KDM4C: variants seen among roughly 807,000 people sequenced by gnomAD.
KDM4C encodes the protein lysine demethylase 4C, also known as lysine-specific demethylase 4C.
A neutral mutation model predicts 129.3 loss-of-function variants in KDM4C; 81 were observed. The ratio of observed to expected loss-of-function variants is 0.63; its 90% CI spans 0.52 to 0.75. The LOEUF (loss-of-function observed/expected upper bound fraction) is 0.75, where lower values mean the gene tolerates loss of function less well. Among genes scored for constraint, KDM4C ranks in the 30% least tolerant of loss-of-function variants. The pLI, the probability that KDM4C is intolerant of heterozygous loss-of-function variation, is 0.00. For missense variants in KDM4C, 1,457 were observed against 1,304.0 expected (o/e 1.12, Z -1.81); for synonymous variants, 573 against 456.1 (o/e 1.26, Z -3.26).
chr9:6,919,941 C>G (rs1049718368), intron 8 of KDM4C, among the ~76,000 whole-genome samples: 4 of 152,144 alleles, frequency 2.6e-5, no homozygotes, highest in Non-Finnish European at 1.5e-5. Flanking sequence ...ATCAGAACTG[C>G]TTTTGTCAAA....
At chr9:6,760,635 A>G (rs1011555350) in intron 1 of KDM4C, among the ~76,000 whole-genome samples, 5 of 151,706 alleles carry the variant, frequency 3.3e-5, no homozygotes, top group Non-Finnish European at 7.4e-5. Context: ...CAGTGGCACG[A>G]TCTCTGCTCA....
chr9:6,783,523 A>G (rs1824821289), intron 1 of KDM4C, among the ~76,000 whole-genome samples: 1 of 152,134 alleles, frequency 6.6e-6, no homozygotes, highest in Non-Finnish European at 1.5e-5. Flanking sequence ...GCCAGCATGG[A>G]TGAAATCTCC....
At chr9:6,996,086 A>G (rs1033445803) in intron 12 of KDM4C, among the ~76,000 whole-genome samples, 6 of 152,234 alleles carry the variant, frequency 3.9e-5, no homozygotes, top group Non-Finnish European at 7.3e-5. Context: ...AATAGTGTAC[A>G]TTGTACCCAT....
At chr9:6,808,666 T>C (rs1394572001) in intron 3 of KDM4C, among the ~76,000 whole-genome samples, 2 of 131,582 alleles carry the variant, frequency 1.5e-5, no homozygotes, top group Admixed American at 8.3e-5. Flanking sequence ...TCCCCCTCTG[T>C]GAGAAACACC....
intron 4 of KDM4C, among the ~76,000 whole-genome samples, chr9:6,848,383 T>C (rs1433015859): frequency 6.6e-6 from 1 of 152,070 alleles, no homozygotes. Context: ...TCATGAGTGA[T>C]TGGCCGGGTG....
chr9:6,783,033 T>A lies in KDM4C; in HGVS notation c.-17-9939T>A, dbSNP rs1824702994. Among the ~76,000 whole-genome samples, 4 of 152,124 alleles carry A rather than the reference T, an allele frequency of 2.6e-5. No individual in the cohort carries two copies. The South Asian group carries it at 8.3e-4, about 32-fold the overall frequency. On this transcript the variant is annotated intron_variant, in intron 1 of 21. Transcript: ENST00000381309. ...GTAGGCTTGGGAAGGCTCTTGGGAT[T>A]CTGATGTTGGCCGTGCAGTAGAGGA...
rs562384591 is a variant in KDM4C, at chr9:6,780,437, C to T, written c.-17-12535C>T. On this transcript the variant is annotated intron_variant, in intron 1 of 21. Transcript: ENST00000381309. ...ATATTGCTTCTCAAGTATCCTAATTCTCATACTGTTATTAAAAACAAACCC... is the reference window on the plus strand; with the variant it reads ...ATATTGCTTCTCAAGTATCCTAATTTTCATACTGTTATTAAAAACAAACCC... Among the ~76,000 whole-genome samples, 3 of 151,628 alleles carry T rather than the reference C, an allele frequency of 2.0e-5. No homozygotes were observed. In the South Asian group the frequency reaches 6.3e-4, roughly 32 times the overall value.
At chr9:6,834,707 A>T in intron 4 of KDM4C, 1 of 878,236 alleles carries the variant, frequency 1.1e-6, no homozygotes, top group Admixed American at 1.7e-5. Flanking sequence ...CATGGAGAAG[A>T]TCTGGCACCA....
chr9:6,959,394 G>A (rs1829651282), intron 8 of KDM4C, among the ~76,000 whole-genome samples: 2 of 152,146 alleles, frequency 1.3e-5, no homozygotes, highest in South Asian at 4.1e-4. Flanking sequence ...CCTGTCAGAG[G>A]CTCTTGGAGA....
chr9:7,050,974 C>T (rs1830078762), intron 17 of KDM4C, among the ~76,000 whole-genome samples: 1 of 152,176 alleles, frequency 6.6e-6, no homozygotes. Context: ...CATTTCCTTC[C>T]TTAAGCAGTC....
At chr9:7,080,189 G>C (rs1327437167) in intron 17 of KDM4C, among the ~76,000 whole-genome samples, 1 of 152,176 alleles carries the variant, frequency 6.6e-6, no homozygotes, top group Admixed American at 6.5e-5. Flanking sequence ...CACAGCCACA[G>C]GTATTGGAGC....
At chr9:6,937,931 C>G (rs1288522451) in intron 8 of KDM4C, among the ~76,000 whole-genome samples, 1 of 152,018 alleles carries the variant, frequency 6.6e-6, no homozygotes, top group Non-Finnish European at 1.5e-5. Flanking sequence ...AGGCTGGTCT[C>G]GAACTCCTGA....
At chr9:6,784,369 C>T (rs554113057) in intron 1 of KDM4C, among the ~76,000 whole-genome samples, 19 of 152,192 alleles carry the variant, frequency 1.2e-4, no homozygotes, top group African/African-American at 3.6e-4. Context: ...GCTGGGACTA[C>T]GGGTACATGC....
chr9:6,967,139 C>G (rs1305825592), intron 8 of KDM4C, among the ~76,000 whole-genome samples: 3 of 152,060 alleles, frequency 2.0e-5, no homozygotes, highest in Non-Finnish European at 2.9e-5. Context: ...TATACAGACT[C>G]CTGGCCGGGC....
At chr9:6,776,839 T>C (rs555387060) in intron 1 of KDM4C, among the ~76,000 whole-genome samples, 37 of 151,530 alleles carry the variant, frequency 2.4e-4, no homozygotes, top group Admixed American at 1.8e-3. Context: ...CCTGACCTCA[T>C]GATCCACCCG....
intron 17 of KDM4C, among the ~76,000 whole-genome samples, chr9:7,057,587 C>G (rs991972620): frequency 6.6e-6 from 1 of 152,208 alleles, no homozygotes; most frequent in Non-Finnish European, 1.5e-5. Context: ...AGTTTGCACT[C>G]AAAGAACGTT....
At chr9:6,869,807 T>A (rs999447112) in intron 5 of KDM4C, among the ~76,000 whole-genome samples, 6 of 152,244 alleles carry the variant, frequency 3.9e-5, no homozygotes, top group Admixed American at 3.9e-4. Flanking sequence ...GCCTGCAGCA[T>A]CCCCTATAGC....
At chr9:7,037,766 A>C (rs1587132720) in intron 15 of KDM4C, among the ~76,000 whole-genome samples, 1 of 152,296 alleles carries the variant, frequency 6.6e-6, no homozygotes, top group South Asian at 2.1e-4. Flanking sequence ...TGGTTTTTTA[A>C]ATGCTGTTCT....
intron 1 of KDM4C, among the ~76,000 whole-genome samples, chr9:6,764,601 T>C (rs190959453): frequency 6.6e-6 from 1 of 152,338 alleles, no homozygotes; most frequent in African/African-American, 2.4e-5. Context: ...TGTGAATGTT[T>C]AGTTAACTGT....
Sources: gnomAD v4.1 joint callset for allele counts (sites outside exome capture counted in the v4.1 genomes callset) on GRCh38, gnomAD v4.1.1 for gene constraint, MANE v1.5 for transcripts, NCBI Gene and HGNC (gene_info 2026-07-23, HGNC 2026-07-21) for gene names.